MAP3K14: variants seen among roughly 807,000 people sequenced by gnomAD.
MAP3K14 encodes the protein NF-kappa-beta-inducing kinase.
Under a neutral mutation model 99.2 loss-of-function variants are expected in MAP3K14, and 16 were observed. That is an observed-to-expected ratio of 0.16 (90% CI 0.11 to 0.24). The LOEUF is 0.24. MAP3K14 is among the 10% of genes least tolerant of loss of function. The probability of loss-of-function intolerance (pLI) is 1.00; values close to 1 mark genes in which losing one functional copy is unlikely to be tolerated. For synonymous variants in MAP3K14, 462 were observed against 492.4 expected (o/e 0.94, Z 0.82); for missense variants, 784 against 1,208.7 (o/e 0.65, Z 5.21).
At chr17:45,266,257 G>A in intron 14 of MAP3K14, 1 of 368,994 alleles carries the variant, frequency 2.7e-6, no homozygotes. Flanking sequence ...CAGGTCAAGA[G>A]ACTGCTCTCC....
intron 1 of MAP3K14, among the ~76,000 whole-genome samples, chr17:45,311,590 C>A (rs1436713599): frequency 6.6e-6 from 1 of 152,158 alleles, no homozygotes; most frequent in Non-Finnish European, 1.5e-5. Context: ...GGAGTACCCC[C>A]TGCTGCTTCT....
chr17:45,290,235 C>T (rs1161356505), intron 2 of MAP3K14, among the ~76,000 whole-genome samples: 4 of 152,190 alleles, frequency 2.6e-5, no homozygotes, highest in South Asian at 4.1e-4. Flanking sequence ...TGCAGAGTCC[C>T]GAGTGCTCGT....
chr17:45,279,660 T>C (rs993753695), intron 6 of MAP3K14, among the ~76,000 whole-genome samples: 3 of 151,856 alleles, frequency 2.0e-5, no homozygotes, highest in Admixed American at 6.6e-5. Context: ...CCTGACCTCA[T>C]GATCTGCCCA....
chr17:45,297,257 A>T (rs1329063810), intron 1 of MAP3K14, among the ~76,000 whole-genome samples: 1 of 152,192 alleles, frequency 6.6e-6, no homozygotes, highest in Admixed American at 6.5e-5. Flanking sequence ...AACATCCAGG[A>T]ACTGAGCAGT....
rs562409633 is a variant in MAP3K14, at chr17:45,273,573, G to A, written c.1587C>T (p.His529=). ...CATGGCCAAAGTCACAGAGGGCTGC[G>A]TGGCTCCCATCGCTGGACAGGAGCA... ...DNVLLSSDGS[H]AALCDFGHAV... Residue 529 remains histidine, a synonymous_variant, in exon 9 of 16, where the codon CAC becomes CAT. Transcript: ENST00000344686. 24 of 1,613,458 alleles carry A rather than the reference G, an allele frequency of 1.5e-5. No homozygotes were observed. In the East Asian group the frequency reaches 1.8e-4, roughly 12 times the overall value.
At chr17:45,271,868 C>T (rs1001452861) in intron 9 of MAP3K14, among the ~76,000 whole-genome samples, 1 of 152,132 alleles carries the variant, frequency 6.6e-6, no homozygotes, top group African/African-American at 2.4e-5. Context: ...GTAAGTAATA[C>T]TTCTTACTAG....
At chr17:45,307,171 T>A (rs1396093419) in intron 1 of MAP3K14, among the ~76,000 whole-genome samples, 1 of 151,848 alleles carries the variant, frequency 6.6e-6, no homozygotes, top group African/African-American at 2.4e-5. Flanking sequence ...GGCACAAGAA[T>A]CGCTTGAACC....
intron 3 of MAP3K14, among the ~76,000 whole-genome samples, chr17:45,287,658 T>C (rs2143823061): frequency 6.6e-6 from 1 of 152,334 alleles, no homozygotes. Context: ...CGAGAAGCTG[T>C]GCTTGTTACT....
rs1477725714 is a variant in MAP3K14 at position 45,267,367 on chromosome 17, C to T, written c.2326+39G>A. ...CCGGCCTCCGCGGGTGGCCCAGGGC[C>T]AGTGCTCAGGGCCCCACTGCAGCCA... On this transcript the variant is annotated intron_variant, in intron 12 of 15. Transcript: ENST00000344686. This position sits in a 1 kb window ranked among gnomAD's most constrained non-coding sequence, Gnocchi z 5.1. 4 of 1,540,288 alleles carry T rather than the reference C, an allele frequency of 2.6e-6. No individual in the cohort carries two copies. Among genetic ancestry groups the T allele is most frequent in the East Asian group, 4.8e-5 (2 of 41,452 alleles).
Position 45,264,641 on chromosome 17 carries a change from G to GC in MAP3K14, c.2838dup (p.Pro947AlafsTer64), listed in dbSNP as rs2044057163. 1.9e-6 allele frequency: 3 copies of GC among 1,577,668 alleles called. No individual in the cohort carries two copies. The highest frequency in any genetic ancestry group is 2.6e-6 in the Non-Finnish European group (3 of 1,162,502). ...GCCGGCGGTGGAGGGCAGGGTTAGG[G>GC]CCTGTTCTCCAGCTGGCCATGCTTG... is the stretch of plus-strand genomic sequence containing the variant. On this transcript the variant is annotated frameshift_variant, in exon 16 of 16. Transcript: ENST00000344686. LOFTEE classifies it high-confidence loss of function.
At chr17:45,269,943 A>AAC (rs2044129148) in intron 11 of MAP3K14, among the ~76,000 whole-genome samples, 1 of 152,176 alleles carries the variant, frequency 6.6e-6, no homozygotes, top group Non-Finnish European at 1.5e-5. Flanking sequence ...AGCACAGGTA[A>AAC]ACACGTGGGC....
At chr17:45,289,868 G>A (rs978482578) in intron 2 of MAP3K14, among the ~76,000 whole-genome samples, 26 of 152,334 alleles carry the variant, frequency 1.7e-4, no homozygotes, top group African/African-American at 5.3e-4. Context: ...GAAGCCTCCC[G>A]GGTTGAGGGA....
chr17:45,286,492 C>T lies in MAP3K14; in HGVS notation c.1091G>A (p.Gly364Asp), dbSNP rs746805111. The part of the protein sequence containing the change: ...TSLAKTWAAR[G>D]SRSREPSPKT... ...GGGGCTGGGCTCCCGGGATCTGGAG[C>T]CCCTTGCTGCCCAGGTCTTGGCCAG... Residue 364 changes from glycine (G) to aspartate (D), a missense_variant, in exon 5 of 16, where the codon GGC becomes GAC. Gly to Asp is a moderately conservative substitution (Grantham distance 94). Transcript: ENST00000344686. This position sits in a 1 kb window ranked among gnomAD's most constrained non-coding sequence, Gnocchi z 4.1. 1.2e-6 allele frequency: 2 copies of T among 1,604,102 alleles called. No individual in the cohort carries two copies. The highest frequency in any genetic ancestry group is 2.2e-5 in the South Asian group (2 of 89,314).
At chr17:45,309,489 G>A (rs2044455556) in intron 1 of MAP3K14, among the ~76,000 whole-genome samples, 1 of 152,238 alleles carries the variant, frequency 6.6e-6, no homozygotes, top group African/African-American at 2.4e-5. Flanking sequence ...TGCCTCAATT[G>A]TGTTTGGTTT....
chr17:45,281,639 T>TC (rs2044224070), intron 6 of MAP3K14: 3 of 135,570 alleles, frequency 2.2e-5, no homozygotes, highest in Non-Finnish European at 4.7e-5. Context: ...TGATCTTACT[T>TC]CTTTTTTTTT....
rs1302846116 is a variant in MAP3K14 at position 45,286,685 on chromosome 17, G to A, written c.898C>T (p.His300Tyr). ...TCTACACAGGCCAGTTTGCTCAGGT[G>A]TGGGTCAGGCAAGGGTTTCTGGCTG... is the stretch of plus-strand genomic sequence containing the variant. ...VDSQKPLPDP[H>Y]LSKLACVDSP... is the part of the protein sequence containing the mutation. Residue 300 changes from histidine to tyrosine, a missense_variant, in exon 5 of 16, where the codon CAC becomes TAC. His to Tyr is a moderately conservative substitution (Grantham distance 83). This residue lies in a region of MAP3K14 where 138 missense variants were observed against 164.1 expected (regional missense o/e 0.84). Coordinates refer to ENST00000344686, the MANE Select transcript of MAP3K14 (RefSeq NM_003954.5). The surrounding 1 kb of genome is among the most constrained non-coding windows in gnomAD (Gnocchi z 4.1). 6.2e-7 allele frequency: 1 copy of A among 1,610,254 alleles called. No homozygotes were observed. The highest frequency in any genetic ancestry group is 1.7e-5 in the Admixed American group (1 of 59,354).
chr17:45,309,903 T>C (rs893011760), intron 1 of MAP3K14, among the ~76,000 whole-genome samples: 2 of 152,170 alleles, frequency 1.3e-5, no homozygotes, highest in African/African-American at 4.8e-5. Flanking sequence ...GACTCTGTCC[T>C]TCACATTGAT....
At chr17:45,313,681 G>A (rs1359504943) in intron 1 of MAP3K14, among the ~76,000 whole-genome samples, 1 of 152,182 alleles carries the variant, frequency 6.6e-6, no homozygotes, top group Non-Finnish European at 1.5e-5. Flanking sequence ...TGTCCAGGCA[G>A]CAGGCTATTC....
At chr17:45,291,946 C>T (rs944542034) in intron 1 of MAP3K14, among the ~76,000 whole-genome samples, 1 of 152,262 alleles carries the variant, frequency 6.6e-6, no homozygotes, top group African/African-American at 2.4e-5. Flanking sequence ...AACTCTAAGG[C>T]CTCTGGCCTT....
Sources: gnomAD v4.1 joint callset for allele counts (sites outside exome capture counted in the v4.1 genomes callset) on GRCh38, gnomAD v4.1.1 for gene constraint, gnomAD v4.1.1 regional missense constraint, Gnocchi (gnomAD v3.1) non-coding constraint, MANE v1.5 for transcripts, NCBI Gene and HGNC (gene_info 2026-07-23, HGNC 2026-07-21) for gene names.